Variants in POTEB3 observed in about 807,000 individuals in gnomAD.
The protein encoded by POTEB3 is POTE ankyrin domain family member B3.
POTEB3 carries 5 observed loss-of-function variants against 39.8 expected under a neutral mutation model. The observed-to-expected ratio is 0.13, with a 90% CI of 0.07 to 0.26. The LOEUF is 0.26. Among genes scored for constraint, POTEB3 ranks in the 10% least tolerant of loss-of-function variants. The probability of loss-of-function intolerance (pLI) is 1.00; values close to 1 mark genes in which losing one functional copy is unlikely to be tolerated. For missense variants in POTEB3, 24 were observed against 475.6 expected (o/e 0.05, Z 8.83); for synonymous variants, 5 against 161.5 (o/e 0.03, Z 7.35).
intron 6 of POTEB3, among the ~76,000 whole-genome samples, chr15:21,424,752 G>A (rs1416663494): frequency 6.6e-6 from 1 of 151,682 alleles, no homozygotes; most frequent in Non-Finnish European, 1.5e-5. Flanking sequence ...AAATACTAGT[G>A]TACAACGTGG....
At chr15:21,433,562 T>A (rs1229026635) in intron 3 of POTEB3, among the ~76,000 whole-genome samples, 1 of 150,732 alleles carries the variant, frequency 6.6e-6, no homozygotes, top group Non-Finnish European at 1.5e-5. Flanking sequence ...TCATCTCTCA[T>A]CACATAAACA....
chr15:21,434,080 CA>C (rs71256186), intron 3 of POTEB3, among the ~76,000 whole-genome samples: 14 of 120,744 alleles, frequency 1.2e-4, no homozygotes, highest in East Asian at 6.3e-4. Context: ...AAAACAAAAA[CA>C]AAAAAAAAAC....
intron 4 of POTEB3, among the ~76,000 whole-genome samples, chr15:21,430,969 A>G (rs1288974063): frequency 6.6e-6 from 1 of 151,536 alleles, no homozygotes; most frequent in South Asian, 2.1e-4. Flanking sequence ...CACATATGAC[A>G]ACATATTGGG....
chr15:21,433,271 A>G (rs1287473919), intron 3 of POTEB3, among the ~76,000 whole-genome samples: 1 of 150,846 alleles, frequency 6.6e-6, no homozygotes, highest in African/African-American at 2.4e-5. Flanking sequence ...TGTTGTTGTT[A>G]GAGACAGGGT....
chr15:21,413,939 AT>A (rs1898363223), intron 9 of POTEB3, among the ~76,000 whole-genome samples: 1 of 77,656 alleles, frequency 1.3e-5, no homozygotes, highest in South Asian at 3.3e-4. Context: ...AAATGTCATT[AT>A]TTATATTTCA....
chr15:21,410,254 G>A lies in POTEB3; in HGVS notation c.1533+624C>T, dbSNP rs201978490. On this transcript the variant is annotated intron_variant, in intron 10 of 10. Coordinates refer to ENST00000611217, the MANE Select transcript of POTEB3 (RefSeq NM_207355.5). ...CATTATAGTAGTAAGTGTGAAATAC[G>A]GGAAACGTACTGAACTATTCATCTG... is the stretch of plus-strand genomic sequence containing the variant. 1.2e-4 allele frequency among the ~76,000 whole-genome samples: 11 copies of A among 89,850 alleles called. 1 individual carries two copies. The highest frequency in any genetic ancestry group is 5.8e-4 in the East Asian group (2 of 3,468). The allele number at this position is 89,850 out of a possible 152,430, so 58.9% of individuals were successfully genotyped here.
intron 6 of POTEB3, among the ~76,000 whole-genome samples, chr15:21,422,703 C>A (rs1898555403): frequency 2.0e-5 from 3 of 150,456 alleles, no homozygotes; most frequent in East Asian, 3.9e-4. Context: ...CATCTCCCCT[C>A]CCCCTCAGCA....
intron 4 of POTEB3, among the ~76,000 whole-genome samples, chr15:21,430,802 C>G (rs1444520097): frequency 6.6e-6 from 1 of 151,572 alleles, no homozygotes; most frequent in Non-Finnish European, 1.5e-5. Flanking sequence ...TCTCTGCATG[C>G]TGAAAGCAGT....
At chr15:21,409,929 T>C (rs1467349298) in intron 10 of POTEB3, among the ~76,000 whole-genome samples, 2 of 101,262 alleles carry the variant, frequency 2.0e-5, no homozygotes, top group Non-Finnish European at 3.7e-5. Context: ...ACTGAGTTTG[T>C]GCCATTGCAC....
chr15:21,434,151 G>C (rs1219296332), intron 3 of POTEB3, among the ~76,000 whole-genome samples: 1 of 140,764 alleles, frequency 7.1e-6, no homozygotes, highest in African/African-American at 2.8e-5. Flanking sequence ...ATTTCTGATT[G>C]CTGCATTTTT....
chr15:21,419,365 G>A, intron 9 of POTEB3, 99 bp downstream of exon 9: 2 of 176,872 alleles, frequency 1.1e-5, no homozygotes, highest in East Asian at 7.1e-5. Flanking sequence ...TGATTAACAG[G>A]CAAGGCTGAA....
intron 3 of POTEB3, among the ~76,000 whole-genome samples, chr15:21,434,093 T>G (rs1286304547): frequency 7.1e-5 from 10 of 141,106 alleles, no homozygotes; most frequent in African/African-American, 2.8e-4. Flanking sequence ...AAAAAAAACC[T>G]CTTCATGGTC....
chr15:21,410,807 A>G lies in POTEB3; in HGVS notation c.1533+71T>C, dbSNP rs1898307752. 9 of 789,642 alleles carry G rather than the reference A, an allele frequency of 1.1e-5. 3 individuals are homozygous for G. The South Asian group carries it at 1.7e-4, about 15-fold the overall frequency. The allele number at this position is 789,642 out of a possible 1,614,324, so 48.9% of individuals were successfully genotyped here. A position where few individuals can be genotyped will look rare whatever the true frequency, so the allele number is the denominator to read the frequency against. ...TATATATGATTTAAAAATCCTTTAT[A>G]CCTTCCAAAATAAAGCTTTTTAAAA... On this transcript the variant is annotated intron_variant, in intron 10 of 10. Coordinates refer to ENST00000611217, the MANE Select transcript of POTEB3 (RefSeq NM_207355.5).
intron 5 of POTEB3, among the ~76,000 whole-genome samples, chr15:21,428,600 TC>T (rs1403386946): frequency 6.6e-6 from 1 of 150,782 alleles, no homozygotes; most frequent in African/African-American, 2.5e-5. Context: ...GATGTTCAAT[TC>T]CAGCTGACAT....
intron 9 of POTEB3, among the ~76,000 whole-genome samples, chr15:21,414,681 A>G (rs1323158077): frequency 3.5e-5 from 3 of 86,398 alleles, no homozygotes; most frequent in Non-Finnish European, 6.3e-5. Context: ...TCCTCTTACT[A>G]TAGGAAGCAA....
chr15:21,433,351 C>T (rs1390179582), intron 3 of POTEB3, among the ~76,000 whole-genome samples: 1 of 150,320 alleles, frequency 6.7e-6, no homozygotes, highest in Non-Finnish European at 1.5e-5. Context: ...GCCTCCCTAG[C>T]AGCTGGGACT....
Position 21,434,388 on chromosome 15 carries a change from A to G in POTEB3, c.810+273T>C, listed in dbSNP as rs1241037957. 5.3e-4 allele frequency among the ~76,000 whole-genome samples: 64 copies of G among 121,592 alleles called. 1 individual carries two copies. In the South Asian group the frequency reaches 5.3e-3, roughly 10 times the overall value. The allele number at this position is 121,592 out of a possible 152,430, so 79.8% of individuals were successfully genotyped here. A position where few individuals can be genotyped will look rare whatever the true frequency, so the allele number is the denominator to read the frequency against. ...AGGGAAAAAAAAACTTGGCAGGGAA[A>G]AATTGAAAAAAAAAAAGTATTACCT... On this transcript the variant is annotated intron_variant, in intron 3 of 10. Coordinates refer to ENST00000611217, the MANE Select transcript of POTEB3 (RefSeq NM_207355.5).
At chr15:21,414,024 CT>C (rs1898365258) in intron 9 of POTEB3, among the ~76,000 whole-genome samples, 1 of 81,060 alleles carries the variant, frequency 1.2e-5, no homozygotes, top group South Asian at 3.0e-4. Context: ...CAATTTTAGC[CT>C]AGTATTTAGT....
chr15:21,423,298 AC>A (rs1301908915), intron 6 of POTEB3, among the ~76,000 whole-genome samples: 43 of 91,318 alleles, frequency 4.7e-4, no homozygotes, highest in African/African-American at 1.6e-3. Context: ...ATGGGGTTTC[AC>A]CATTGGCCAG....
Sources: allele counts gnomAD v4.1 joint callset (sites outside exome capture counted in the v4.1 genomes callset), GRCh38; gene constraint gnomAD v4.1.1; transcripts MANE v1.5; gene names NCBI Gene and HGNC (gene_info 2026-07-23, HGNC 2026-07-21).